Variants in ZRANB3 observed in about 807,000 individuals in gnomAD.
ZRANB3 encodes the protein DNA annealing helicase and endonuclease ZRANB3.
In ZRANB3, 125 loss-of-function variants were observed where a neutral mutation model predicts 133.8. That is an observed-to-expected ratio of 0.93 (90% CI 0.81 to 1.08). ZRANB3 has a LOEUF of 1.08. ZRANB3 is among the 50% of genes least tolerant of loss of function. ZRANB3 has a pLI of 0.00. For missense variants in ZRANB3, 1,229 were observed against 1,275.5 expected (o/e 0.96, Z 0.56); for synonymous variants, 387 against 432.7 (o/e 0.89, Z 1.31).
intron 12 of ZRANB3, among the ~76,000 whole-genome samples, chr2:135,263,341 C>T: frequency 6.6e-6 from 1 of 152,166 alleles, no homozygotes; most frequent in East Asian, 1.9e-4. Flanking sequence ...CATATCCATT[C>T]TTCTATTGAT....
chr2:135,419,408 G>A (rs1394049032), intron 2 of ZRANB3, among the ~76,000 whole-genome samples: 4 of 151,906 alleles, frequency 2.6e-5, no homozygotes, highest in African/African-American at 4.8e-5. Flanking sequence ...GTGTGTGTGT[G>A]TACAGAGAAA....
chr2:135,283,080 T>A (rs1681167885), intron 8 of ZRANB3, among the ~76,000 whole-genome samples: 1 of 143,972 alleles, frequency 6.9e-6, no homozygotes, highest in Non-Finnish European at 1.5e-5. Flanking sequence ...AGCCCAGGAG[T>A]TTGAGACAAG....
At chr2:135,491,734 C>G (rs1692386260) in intron 2 of ZRANB3, among the ~76,000 whole-genome samples, 1 of 152,038 alleles carries the variant, frequency 6.6e-6, no homozygotes. Context: ...CCAGGATGGT[C>G]TTGATCTCCT....
intron 8 of ZRANB3, among the ~76,000 whole-genome samples, chr2:135,285,981 A>G (rs1252979070): frequency 6.6e-6 from 1 of 152,244 alleles, no homozygotes; most frequent in Non-Finnish European, 1.5e-5. Flanking sequence ...ATTCTCCAAT[A>G]GTTGACTTTG....
chr2:135,275,774 A>G lies in ZRANB3; in HGVS notation c.967-19T>C. ...CACCTGCCTAAATATTAAAAGGTAA[A>G]CCTTATTAGTGTCATAAAAATGATT... is the stretch of plus-strand genomic sequence containing the variant. On this transcript the variant is annotated intron_variant, in intron 8 of 20. Coordinates refer to ENST00000264159, the MANE Select transcript of ZRANB3 (RefSeq NM_032143.4). 6.7e-7 allele frequency: 1 copy of G among 1,497,332 alleles called. No homozygotes were observed. Among genetic ancestry groups the G allele is most frequent in the South Asian group, 1.4e-5 (1 of 73,652 alleles). 92.8% of individuals were successfully genotyped at this position (1,497,332 alleles called of 1,614,324 possible). A position where few individuals can be genotyped will look rare whatever the true frequency, so the allele number is the denominator to read the frequency against.
At chr2:135,309,797 C>T (rs1197282793) in intron 8 of ZRANB3, among the ~76,000 whole-genome samples, 3 of 152,036 alleles carry the variant, frequency 2.0e-5, no homozygotes, top group African/African-American at 7.2e-5. Context: ...GTCAACAGAT[C>T]CAACACAATT....
chr2:135,490,684 T>C (rs567278291), intron 2 of ZRANB3, among the ~76,000 whole-genome samples: 1 of 152,322 alleles, frequency 6.6e-6, no homozygotes, highest in South Asian at 2.1e-4. Context: ...ATATCTGCAC[T>C]CTTATGTTTA....
intron 3 of ZRANB3, among the ~76,000 whole-genome samples, chr2:135,382,427 T>C (rs1401699077): frequency 6.6e-6 from 1 of 152,144 alleles, no homozygotes; most frequent in Non-Finnish European, 1.5e-5. Context: ...CTGCAGGATA[T>C]TATCCAGGAG....
At chr2:135,357,349 G>A (rs1685483355) in intron 3 of ZRANB3, among the ~76,000 whole-genome samples, 1 of 152,200 alleles carries the variant, frequency 6.6e-6, no homozygotes, top group Non-Finnish European at 1.5e-5. Flanking sequence ...AGGCTGGAGT[G>A]CAGTGGCATG....
chr2:135,272,541 G>C (rs1680578997), intron 9 of ZRANB3, among the ~76,000 whole-genome samples: 1 of 150,998 alleles, frequency 6.6e-6, no homozygotes, highest in African/African-American at 2.4e-5. Context: ...AGCCTCCTGA[G>C]TAGCTGGGAC....
At chr2:135,433,730 C>T (rs1275896109) in intron 2 of ZRANB3, among the ~76,000 whole-genome samples, 2 of 152,212 alleles carry the variant, frequency 1.3e-5, no homozygotes, top group African/African-American at 4.8e-5. Context: ...GGCACAGTGG[C>T]TCACGCCTGT....
chr2:135,459,699 C>T (rs1422954617), intron 2 of ZRANB3, among the ~76,000 whole-genome samples: 4 of 152,058 alleles, frequency 2.6e-5, no homozygotes, highest in Non-Finnish European at 5.9e-5. Flanking sequence ...TAGAAATTCT[C>T]CTTATGAAAC....
intron 3 of ZRANB3, among the ~76,000 whole-genome samples, chr2:135,383,659 G>A (rs749393675): frequency 6.6e-6 from 1 of 152,144 alleles, no homozygotes; most frequent in Non-Finnish European, 1.5e-5. Context: ...TCAGACCACA[G>A]TGCAATCAAA....
chr2:135,471,209 T>C (rs551322115), intron 2 of ZRANB3, among the ~76,000 whole-genome samples: 2 of 151,896 alleles, frequency 1.3e-5, no homozygotes, highest in East Asian at 1.9e-4. Context: ...TGCTAGAACA[T>C]AGTGTAAAGA....
chr2:135,347,418 G>C (rs1235053201), intron 5 of ZRANB3, among the ~76,000 whole-genome samples: 2 of 151,132 alleles, frequency 1.3e-5, no homozygotes, highest in African/African-American at 2.4e-5. Context: ...TCAGCCTCCC[G>C]AGCAGCTGGG....
At chr2:135,207,360 T>A in intron 19 of ZRANB3, 74 bp downstream of exon 19, 1 of 1,471,660 alleles carries the variant, frequency 6.8e-7, no homozygotes. Context: ...CATGTTAAAA[T>A]GTACAAAATA....
At chr2:135,448,367 T>C (rs1479752413) in intron 2 of ZRANB3, among the ~76,000 whole-genome samples, 3 of 152,218 alleles carry the variant, frequency 2.0e-5, no homozygotes, top group African/African-American at 4.8e-5. Flanking sequence ...TACATTTACT[T>C]TGAAAAATCT....
At chr2:135,295,068 A>G (rs928561317) in intron 8 of ZRANB3, among the ~76,000 whole-genome samples, 9 of 152,106 alleles carry the variant, frequency 5.9e-5, no homozygotes, top group Admixed American at 2.0e-4. Flanking sequence ...AAGAATGTAT[A>G]TTCTGTTGAT....
In ZRANB3 at chr2:135,375,684, CA is replaced by C. The variant is rs61475008; in HGVS notation, c.180+15117del. Reference sequence around the variant, plus strand: ...TGGGCGACAGAGCGAGACTCCATCTCAAAAAAAAAAAAACCCACAAAGTTGG... The same window carrying C: ...TGGGCGACAGAGCGAGACTCCATCTCAAAAAAAAAAAACCCACAAAGTTGG... On this transcript the variant is annotated intron_variant, in intron 3 of 20. Transcript: ENST00000264159. 4.0e-3 allele frequency among the ~76,000 whole-genome samples: 536 copies of C among 132,848 alleles called. 2 individuals are homozygous for C. Among genetic ancestry groups the C allele is most frequent in the African/African-American group, 0.011 (413 of 36,458 alleles). 87.2% of individuals were successfully genotyped at this position (132,848 alleles called of 152,430 possible). A position where few individuals can be genotyped will look rare whatever the true frequency, so the allele number is the denominator to read the frequency against.
Sources: allele counts gnomAD v4.1 joint callset (sites outside exome capture counted in the v4.1 genomes callset), GRCh38; gene constraint gnomAD v4.1.1; transcripts MANE v1.5; gene names NCBI Gene and HGNC (gene_info 2026-07-23, HGNC 2026-07-21).